NR2F1-AS1: variants seen among roughly 807,000 people sequenced by gnomAD.
NR2F1-AS1 encodes NR2F1 antisense RNA 1.
At chr5:93,575,543 A>G (rs1396035035) in intron 1 of NR2F1-AS1, among the ~76,000 whole-genome samples, 2 of 152,228 alleles carry the variant, frequency 1.3e-5, no homozygotes, top group Admixed American at 1.3e-4. Context: ...CCAAGCAAAA[A>G]GAAAAAATTG....
chr5:93,479,437 G>A (rs886386991), intron 4 of NR2F1-AS1, among the ~76,000 whole-genome samples: 2 of 152,122 alleles, frequency 1.3e-5, no homozygotes, highest in Non-Finnish European at 2.9e-5. Flanking sequence ...CAAAACATAG[G>A]CTTCTGGAAC....
intron 4 of NR2F1-AS1, among the ~76,000 whole-genome samples, chr5:93,479,166 G>A (rs886332259): frequency 2.6e-5 from 4 of 152,098 alleles, no homozygotes; most frequent in South Asian, 2.1e-4. Flanking sequence ...ACAATGGCCT[G>A]TATGCCTGGT....
intron 4 of NR2F1-AS1, among the ~76,000 whole-genome samples, chr5:93,516,231 T>C (rs1751399266): frequency 6.6e-6 from 1 of 151,766 alleles, no homozygotes; most frequent in Non-Finnish European, 1.5e-5. Context: ...AAAGGTAAGA[T>C]TACAAGACTC....
intron 4 of NR2F1-AS1, among the ~76,000 whole-genome samples, chr5:93,528,167 A>T (rs1751660988): frequency 6.6e-6 from 1 of 152,178 alleles, no homozygotes; most frequent in Non-Finnish European, 1.5e-5. Flanking sequence ...AAAAACAAAC[A>T]AGCCCATTAA....
chr5:93,540,036 A>C (rs1254456712), intron 4 of NR2F1-AS1, among the ~76,000 whole-genome samples: 1 of 152,322 alleles, frequency 6.6e-6, no homozygotes, highest in African/African-American at 2.4e-5. Context: ...TGGCTCCTAG[A>C]ATATGCCTCA....
intron 4 of NR2F1-AS1, among the ~76,000 whole-genome samples, chr5:93,505,343 C>T (rs1038653025): frequency 2.0e-5 from 3 of 152,142 alleles, no homozygotes; most frequent in African/African-American, 7.2e-5. Context: ...TTTCCAGGTG[C>T]ATGGTGAAAG....
chr5:93,492,846 TA>T (rs568884397), intron 4 of NR2F1-AS1, among the ~76,000 whole-genome samples: 3,744 of 139,384 alleles, frequency 0.027, 73 homozygotes, highest in East Asian at 0.06. Flanking sequence ...CATTTCATGA[TA>T]AAAAAAAAAA....
At chr5:93,539,902 TTAAC>T (rs1037041696) in intron 4 of NR2F1-AS1, among the ~76,000 whole-genome samples, 3 of 151,832 alleles carry the variant, frequency 2.0e-5, no homozygotes, top group African/African-American at 7.3e-5. Context: ...AAATTTTAAT[TTAAC>T]TAAATAAGAG....
chr5:93,577,337 C>T (rs761755781), intron 1 of NR2F1-AS1, among the ~76,000 whole-genome samples: 8 of 152,246 alleles, frequency 5.3e-5, no homozygotes, highest in East Asian at 1.9e-4. Context: ...GCCTGGGCTA[C>T]CAGAGCGATA....
At chr5:93,575,260 A>T (rs2149931957) in intron 1 of NR2F1-AS1, among the ~76,000 whole-genome samples, 1 of 152,386 alleles carries the variant, frequency 6.6e-6, no homozygotes, top group South Asian at 2.1e-4. Flanking sequence ...CAGTCCTAGA[A>T]ATCCAATGTC....
intron 4 of NR2F1-AS1, chr5:93,423,282 T>G (rs1354048076): frequency 1.3e-5 from 2 of 152,124 alleles, no homozygotes. Flanking sequence ...TTCATTTTAA[T>G]AATAATAAAA....
intron 4 of NR2F1-AS1, among the ~76,000 whole-genome samples, chr5:93,449,112 T>C (rs1749776596): frequency 2.0e-5 from 3 of 152,198 alleles, no homozygotes; most frequent in South Asian, 2.1e-4. Context: ...AAGGGAGAAA[T>C]TGTACACTCT....
chr5:93,562,195 A>AAAAG (rs1554072356), intron 2 of NR2F1-AS1, among the ~76,000 whole-genome samples: 17 of 136,722 alleles, frequency 1.2e-4, no homozygotes, highest in Admixed American at 2.9e-4. Flanking sequence ...AAAAAAAAAA[A>AAAAG]AAAAGAAAAG....
At chr5:93,563,537 T>A (rs536723909) in intron 1 of NR2F1-AS1, 1 of 152,328 alleles carries the variant, frequency 6.6e-6, no homozygotes, top group Admixed American at 6.5e-5. Flanking sequence ...AATTTTCTAT[T>A]AGACAAAGAG....
intron 4 of NR2F1-AS1, among the ~76,000 whole-genome samples, chr5:93,431,900 T>C (rs567271895): frequency 6.6e-6 from 1 of 152,292 alleles, no homozygotes; most frequent in South Asian, 2.1e-4. Flanking sequence ...ATCATAACTG[T>C]CAGTGAGCTG....
intron 4 of NR2F1-AS1, chr5:93,411,326 T>G (rs2149838672): frequency 6.6e-6 from 1 of 152,388 alleles, no homozygotes; most frequent in Admixed American, 6.5e-5. Flanking sequence ...TCTTGAAAAC[T>G]TCCTCTGCTG....
At chr5:93,562,889 C>T (rs1752526818) in intron 2 of NR2F1-AS1, among the ~76,000 whole-genome samples, 1 of 152,144 alleles carries the variant, frequency 6.6e-6, no homozygotes. Context: ...ACATAATTCT[C>T]CTAAGAATCA....
At chr5:93,446,051 C>A (rs1184927314) in intron 4 of NR2F1-AS1, among the ~76,000 whole-genome samples, 1 of 152,118 alleles carries the variant, frequency 6.6e-6, no homozygotes, top group Non-Finnish European at 1.5e-5. Flanking sequence ...GGACGTACAT[C>A]AAAATAATAA....
chr5:93,423,976 T>G (rs1749143922), intron 4 of NR2F1-AS1, among the ~76,000 whole-genome samples: 1 of 152,262 alleles, frequency 6.6e-6, no homozygotes, highest in African/African-American at 2.4e-5. Context: ...TGAGGAGCAG[T>G]ATAGCAAAAT....
Sources: allele counts gnomAD v4.1 joint callset (sites outside exome capture counted in the v4.1 genomes callset), GRCh38; gene constraint gnomAD v4.1.1; transcripts MANE v1.5; gene names NCBI Gene and HGNC (gene_info 2026-07-23, HGNC 2026-07-21).